RGS7: variants seen among roughly 807,000 people sequenced by gnomAD.
RGS7 encodes regulator of G-protein signaling 7.
Under a neutral mutation model 81.1 loss-of-function variants are expected in RGS7, and 27 were observed. That is an observed-to-expected ratio of 0.33 (90% CI 0.25 to 0.46). The LOEUF is 0.46. RGS7 is among the 20% of genes least tolerant of loss of function. The pLI, the probability that RGS7 is intolerant of heterozygous loss-of-function variation, is 1.00. For synonymous variants in RGS7, 208 were observed against 207.7 expected (o/e 1.00, Z -0.01); for missense variants, 396 against 607.4 (o/e 0.65, Z 3.66).
At chr1:240,878,084 C>A (rs1224981848) in intron 6 of RGS7, among the ~76,000 whole-genome samples, 1 of 152,114 alleles carries the variant, frequency 6.6e-6, no homozygotes. Context: ...CCTGCCTGAG[C>A]CTCACACCAG....
chr1:240,995,708 C>CTTTT (rs71172669), intron 3 of RGS7, among the ~76,000 whole-genome samples: 2 of 139,768 alleles, frequency 1.4e-5, no homozygotes, highest in African/African-American at 2.6e-5. Flanking sequence ...TGTGTCTTTT[C>CTTTT]TTTTTTTTTT....
intron 3 of RGS7, among the ~76,000 whole-genome samples, chr1:241,096,251 G>C (rs1002978764): frequency 1.3e-5 from 2 of 152,104 alleles, no homozygotes; most frequent in African/African-American, 4.8e-5. Context: ...TGCGAGTTGG[G>C]CCACAAAAGA....
chr1:241,183,626 G>T lies in RGS7; in HGVS notation c.79-84864C>A, dbSNP rs974408476. Among the ~76,000 whole-genome samples the T allele has an allele frequency of 3.9e-5, 6 of 152,196 alleles. No individual in the cohort carries two copies. In the East Asian group the frequency reaches 1.2e-3, roughly 29 times the overall value. ...AGAAAAAGGAGTCAAACTGGGTCAA[G>T]TACAAAACTTATACTATAGAGAAGA... is the stretch of plus-strand genomic sequence containing the variant. On this transcript the variant is annotated intron_variant, in intron 2 of 18. Coordinates refer to ENST00000440928, the MANE Select transcript of RGS7 (RefSeq NM_001364886.1).
chr1:241,207,160 G>A (rs913533499), intron 2 of RGS7, among the ~76,000 whole-genome samples: 8 of 150,616 alleles, frequency 5.3e-5, no homozygotes, highest in African/African-American at 1.7e-4. Flanking sequence ...GTAGAGACGG[G>A]GTTTCACCGT....
intron 2 of RGS7, among the ~76,000 whole-genome samples, chr1:241,117,671 G>A (rs1312501958): frequency 6.6e-6 from 1 of 152,238 alleles, no homozygotes; most frequent in African/African-American, 2.4e-5. Context: ...GTGGGATAAA[G>A]TGGAAGAGTG....
chr1:240,927,066 TTTTGTTTTG>T (rs1469687864), intron 6 of RGS7, among the ~76,000 whole-genome samples: 5 of 151,420 alleles, frequency 3.3e-5, no homozygotes, highest in African/African-American at 1.2e-4. Context: ...TTTTGTTTTG[TTTTGTTTTG>T]TTTGTTTGTT....
At chr1:240,885,447 C>A (rs3011430) in intron 6 of RGS7, among the ~76,000 whole-genome samples, 1 of 152,026 alleles carries the variant, frequency 6.6e-6, no homozygotes, top group Non-Finnish European at 1.5e-5. Context: ...AGACACATGC[C>A]AATGTTCACT....
intron 2 of RGS7, among the ~76,000 whole-genome samples, chr1:241,248,110 G>A (rs1294832050): frequency 6.6e-6 from 1 of 151,922 alleles, no homozygotes; most frequent in African/African-American, 2.4e-5. Flanking sequence ...TATGTTATTA[G>A]GTGCATAAAC....
chr1:241,081,819 A>C (rs1329986610), intron 3 of RGS7, among the ~76,000 whole-genome samples: 1 of 152,248 alleles, frequency 6.6e-6, no homozygotes, highest in Non-Finnish European at 1.5e-5. Flanking sequence ...TACAGTTTAC[A>C]ATCTTAAGTA....
chr1:241,134,018 A>T (rs2067307143), intron 2 of RGS7, among the ~76,000 whole-genome samples: 1 of 152,232 alleles, frequency 6.6e-6, no homozygotes, highest in Non-Finnish European at 1.5e-5. Flanking sequence ...CCACGACATC[A>T]TCTATCCTTG....
intron 2 of RGS7, among the ~76,000 whole-genome samples, chr1:241,205,439 AAATT>A (rs916508026): frequency 1.3e-5 from 2 of 151,756 alleles, no homozygotes; most frequent in African/African-American, 4.8e-5. Context: ...TAGTGGGAAA[AAATT>A]AATTAGCATT....
At position 241,046,072 on chromosome 1, in the gene RGS7, G is replaced by GT. The variant is rs1160887658; in HGVS notation, c.175+52593dup. On this transcript the variant is annotated intron_variant, in intron 3 of 18. Transcript: ENST00000440928. ...GATCCTTGTGGTTTATGAGTTTAGG[G>GT]TTTTTTTGTTTGTTTGTTTTGTTTT... Among the ~76,000 whole-genome samples, 6 of 152,120 alleles carry GT rather than the reference G, an allele frequency of 3.9e-5. No homozygotes were observed. The East Asian group carries it at 1.2e-3, about 29-fold the overall frequency.
chr1:241,210,478 A>G (rs1403086048), intron 2 of RGS7, among the ~76,000 whole-genome samples: 3 of 152,216 alleles, frequency 2.0e-5, no homozygotes, highest in Admixed American at 2.0e-4. Flanking sequence ...AAAGAGGAAC[A>G]ATGAATAGAA....
chr1:241,087,657 C>T (rs541247069), intron 3 of RGS7, among the ~76,000 whole-genome samples: 4 of 151,988 alleles, frequency 2.6e-5, no homozygotes, highest in Admixed American at 6.6e-5. Flanking sequence ...TTTTATAAAA[C>T]CATATAAGAG....
At chr1:240,879,528 T>C (rs1666036936) in intron 6 of RGS7, among the ~76,000 whole-genome samples, 1 of 152,224 alleles carries the variant, frequency 6.6e-6, no homozygotes, top group South Asian at 2.1e-4. Context: ...CAAGTCTTCA[T>C]CACTCTCCCT....
intron 3 of RGS7, among the ~76,000 whole-genome samples, chr1:241,055,008 G>C (rs1178666434): frequency 6.6e-6 from 1 of 152,120 alleles, no homozygotes; most frequent in Non-Finnish European, 1.5e-5. Flanking sequence ...ATGCAGTTTG[G>C]TAAATCATGA....
intron 18 of RGS7, among the ~76,000 whole-genome samples, chr1:240,784,687 C>T (rs1684773435): frequency 6.6e-6 from 1 of 151,082 alleles, no homozygotes; most frequent in East Asian, 2.0e-4. Flanking sequence ...AAAATTTAAC[C>T]TCCATTTTCG....
intron 3 of RGS7, among the ~76,000 whole-genome samples, chr1:240,986,404 A>G (rs1685671878): frequency 6.6e-6 from 1 of 152,160 alleles, no homozygotes; most frequent in Non-Finnish European, 1.5e-5. Context: ...AGTTCAATTC[A>G]AACATTATCT....
intron 2 of RGS7, among the ~76,000 whole-genome samples, chr1:241,206,928 C>T (rs1356472814): frequency 2.0e-5 from 3 of 148,064 alleles, no homozygotes; most frequent in Non-Finnish European, 4.5e-5. Flanking sequence ...CCCTCCCTCT[C>T]TCTCTCCTTT....
Sources: allele counts gnomAD v4.1 joint callset (sites outside exome capture counted in the v4.1 genomes callset), GRCh38; gene constraint gnomAD v4.1.1; transcripts MANE v1.5; gene names NCBI Gene and HGNC (gene_info 2026-07-23, HGNC 2026-07-21).